The following RAB3C variants were observed in gnomAD, a reference collection of about 807,000 sequenced individuals.
The protein encoded by RAB3C is ras-related protein Rab-3C.
In RAB3C, 17 loss-of-function variants were observed where a neutral mutation model predicts 26.4. The observed-to-expected ratio is 0.64, with a 90% CI of 0.44 to 0.97. The LOEUF (loss-of-function observed/expected upper bound fraction) is 0.97. RAB3C is among the 50% of genes least tolerant of loss of function. The pLI, the probability that RAB3C is intolerant of heterozygous loss-of-function variation, is 0.00. For missense variants in RAB3C, 242 were observed against 281.9 expected, an observed-to-expected ratio of 0.86 and a Z score of 1.01; for synonymous variants, 91 against 95.9, an observed-to-expected ratio of 0.95 and a Z score of 0.30.
At position 58,701,335 on chromosome 5, in the gene RAB3C, A is replaced by G. The variant is rs188848518; in HGVS notation, c.253-24667A>G. 1.4e-3 allele frequency among the ~76,000 whole-genome samples: 217 copies of G among 152,202 alleles called. 1 individual carries two copies. Among genetic ancestry groups the G allele is most frequent in the African/African-American group, 4.9e-3 (204 of 41,540 alleles). On this transcript the variant is annotated intron_variant, in intron 2 of 4. Coordinates refer to ENST00000282878, the MANE Select transcript of RAB3C (RefSeq NM_138453.4). ...TTTTAATCACATTCTAAATTCTGTTATTCTTCAGGTGTTATCAATTTTACC... is the reference window on the plus strand; with the variant it reads ...TTTTAATCACATTCTAAATTCTGTTGTTCTTCAGGTGTTATCAATTTTACC...
chr5:58,628,156 C>CAAAAAAAA (rs58277302), intron 2 of RAB3C, among the ~76,000 whole-genome samples: 3 of 71,462 alleles, frequency 4.2e-5, no homozygotes, highest in Admixed American at 2.1e-4. Flanking sequence ...GACTCCGTCT[C>CAAAAAAAA]AAAAAAAAAA....
intron 3 of RAB3C, among the ~76,000 whole-genome samples, chr5:58,768,008 C>T (rs1741946008): frequency 6.6e-6 from 1 of 152,132 alleles, no homozygotes; most frequent in Admixed American, 6.5e-5. Flanking sequence ...GCCCCTGACA[C>T]AGTGGAGTCC....
Position 58,653,977 on chromosome 5 carries a change from TTAAA to T in RAB3C, c.252+36111_252+36114del, listed in dbSNP as rs1294294800. On this transcript the variant is annotated intron_variant, in intron 2 of 4. Coordinates refer to ENST00000282878, the MANE Select transcript of RAB3C (RefSeq NM_138453.4). ...TTAAGAATATACAAAGTGTTTTACATTAAATAACCCCAGAACTGAATCCCAAAAC... is the reference window on the plus strand; with the variant it reads ...TTAAGAATATACAAAGTGTTTTACATTAACCCCAGAACTGAATCCCAAAAC... Among the ~76,000 whole-genome samples the T allele has an allele frequency of 3.1e-4, 47 of 152,222 alleles. 1 individual carries two copies. Among genetic ancestry groups the T allele is most frequent in the Non-Finnish European group, 1.5e-5 (1 of 68,034 alleles).
At chr5:58,760,658 G>T (rs1016443015) in intron 3 of RAB3C, among the ~76,000 whole-genome samples, 1 of 152,166 alleles carries the variant, frequency 6.6e-6, no homozygotes, top group Admixed American at 6.5e-5. Flanking sequence ...TATCTTATAT[G>T]ATCAGCTAAT....
intron 1 of RAB3C, among the ~76,000 whole-genome samples, chr5:58,594,328 T>G (rs936679674): frequency 6.6e-6 from 1 of 152,218 alleles, no homozygotes. Flanking sequence ...TTCTTTAGAA[T>G]GTTTGATCCA....
At chr5:58,806,353 A>G (rs1054679732) in intron 3 of RAB3C, among the ~76,000 whole-genome samples, 1 of 152,166 alleles carries the variant, frequency 6.6e-6, no homozygotes, top group Non-Finnish European at 1.5e-5. Flanking sequence ...TGTTATTCTA[A>G]TGAGGAAGAA....
At chr5:58,643,920 C>T (rs189925439) in intron 2 of RAB3C, among the ~76,000 whole-genome samples, 123 of 152,202 alleles carry the variant, frequency 8.1e-4, no homozygotes, top group Non-Finnish European at 1.7e-3. Context: ...CTCCTGGGTT[C>T]GAGAGATTCT....
At chr5:58,759,848 G>C (rs897693311) in intron 3 of RAB3C, among the ~76,000 whole-genome samples, 3 of 152,184 alleles carry the variant, frequency 2.0e-5, no homozygotes, top group Non-Finnish European at 4.4e-5. Context: ...ATTAATTAGT[G>C]ATGAGTCATT....
At chr5:58,767,771 G>A (rs149477481) in intron 3 of RAB3C, among the ~76,000 whole-genome samples, 6 of 152,106 alleles carry the variant, frequency 3.9e-5, no homozygotes, top group Non-Finnish European at 7.3e-5. Context: ...ATTATGTCAC[G>A]CATTGTTCTA....
chr5:58,665,502 T>C (rs544724373), intron 2 of RAB3C, among the ~76,000 whole-genome samples: 1 of 152,274 alleles, frequency 6.6e-6, no homozygotes, highest in Non-Finnish European at 1.5e-5. Flanking sequence ...CATCTTGGGC[T>C]CTACCAGGAA....
At chr5:58,666,894 G>A (rs564989871) in intron 2 of RAB3C, among the ~76,000 whole-genome samples, 1 of 152,204 alleles carries the variant, frequency 6.6e-6, no homozygotes. Context: ...GATGACGTGC[G>A]TGGGACGTCA....
intron 3 of RAB3C, among the ~76,000 whole-genome samples, chr5:58,745,410 A>G (rs950848287): frequency 1.5e-4 from 23 of 150,834 alleles, no homozygotes; most frequent in Non-Finnish European, 2.1e-4. Context: ...AAAAAAAAAA[A>G]AAAAAAAAAG....
At chr5:58,595,211 T>G (rs1466374758) in intron 1 of RAB3C, among the ~76,000 whole-genome samples, 2 of 152,164 alleles carry the variant, frequency 1.3e-5, no homozygotes, top group Non-Finnish European at 2.9e-5. Flanking sequence ...CTCCTCAAAG[T>G]CTAGTAGGGT....
intron 3 of RAB3C, among the ~76,000 whole-genome samples, chr5:58,736,695 T>C (rs1378733565): frequency 1.3e-5 from 2 of 152,230 alleles, no homozygotes; most frequent in Non-Finnish European, 2.9e-5. Context: ...CATATTGGAT[T>C]GGGGCCTACC....
rs1269922212 is a variant in RAB3C at position 58,602,585 on chromosome 5, A to G, written c.25-15058A>G. Among the ~76,000 whole-genome samples the G allele has an allele frequency of 1.3e-5, 2 of 152,122 alleles. 1 individual carries two copies. The highest frequency in any genetic ancestry group is 1.3e-4 in the Admixed American group (2 of 15,252). On this transcript the variant is annotated intron_variant, in intron 1 of 4. Transcript: ENST00000282878. The stretch of plus-strand genomic sequence containing the variant: ...TTCCTGTTGGATAAGGCCTTTTACC[A>G]TTATATAATGTCCCTCTTTGTCTCT...
rs1579954729 is a variant in RAB3C at position 58,853,626 on chromosome 5, T to TAA, written c.*2276_*2277insAA. ...GGAAGCCCTAAGCCAAGCTCCCACT[T>TAA]ACACAGTGTCAAACATCCCGAAGTG... On this transcript the variant is annotated 3_prime_UTR_variant, in exon 5 of 5. Coordinates refer to ENST00000282878, the MANE Select transcript of RAB3C (RefSeq NM_138453.4). 1 of 152,168 alleles carries TAA rather than the reference T, an allele frequency of 6.6e-6. No homozygotes were observed. Among genetic ancestry groups the TAA allele is most frequent in the Non-Finnish European group, 1.5e-5 (1 of 68,024 alleles). 9.4% of individuals were successfully genotyped at this position (152,168 alleles called of 1,614,324 possible). A position where few individuals can be genotyped will look rare whatever the true frequency, so the allele number is the denominator to read the frequency against.
chr5:58,851,338 A>G lies in RAB3C; in HGVS notation c.671A>G (p.Asn224Ser), dbSNP rs201205632. 57 of 1,604,120 alleles carry G rather than the reference A, an allele frequency of 3.6e-5. No homozygotes were observed. The highest frequency in any genetic ancestry group is 3.3e-4 in the Middle Eastern group (2 of 6,004). ...LKETPPPPQP[N>S]CAC ...GAAACTCCTCCTCCACCGCAGCCCAACTGTGCCTGCTAGTGTCCCCGTGCA... is the reference window on the plus strand; with the variant it reads ...GAAACTCCTCCTCCACCGCAGCCCAGCTGTGCCTGCTAGTGTCCCCGTGCA... Residue 224 changes from asparagine (N) to serine (S), a missense_variant, in exon 5 of 5, where the codon AAC (asparagine) becomes AGC (serine). Physicochemically the swap from Asn to Ser is conservative, Grantham distance 46 (BLOSUM62 1). Coordinates refer to ENST00000282878, the MANE Select transcript of RAB3C (RefSeq NM_138453.4).
intron 2 of RAB3C, among the ~76,000 whole-genome samples, chr5:58,672,268 A>G (rs1561284970): frequency 6.6e-6 from 1 of 152,144 alleles, no homozygotes; most frequent in Non-Finnish European, 1.5e-5. Context: ...GGCACAGGTG[A>G]TCCCCTGGGG....
chr5:58,748,138 T>G (rs897956025), intron 3 of RAB3C, among the ~76,000 whole-genome samples: 7 of 151,964 alleles, frequency 4.6e-5, no homozygotes, highest in African/African-American at 1.7e-4. Context: ...ATGAAAGAAT[T>G]CTTAAAAGGC....
Sources: allele counts gnomAD v4.1 joint callset (sites outside exome capture counted in the v4.1 genomes callset), GRCh38; gene constraint gnomAD v4.1.1; transcripts MANE v1.5; gene names NCBI Gene and HGNC (gene_info 2026-07-23, HGNC 2026-07-21).